STRN3: variants seen among roughly 807,000 people sequenced by gnomAD.
STRN3 encodes the protein striatin 3.
A neutral mutation model predicts 95.6 loss-of-function variants in STRN3; 29 were observed. The ratio of observed to expected loss-of-function variants is 0.30; its 90% CI spans 0.23 to 0.41. The LOEUF (loss-of-function observed/expected upper bound fraction) is 0.41, where lower values mean the gene tolerates loss of function less well. STRN3 is among the 10% of genes least tolerant of loss of function. STRN3 has a pLI of 1.00. For missense variants in STRN3, 890 were observed against 972.1 expected (o/e 0.92, Z 1.12); for synonymous variants, 331 against 357.6 (o/e 0.93, Z 0.84).
chr14:30,907,194 T>C, intron 13 of STRN3, 150 bp from the exon 14 acceptor site: 1 of 805,624 alleles, frequency 1.2e-6, no homozygotes, highest in Non-Finnish European at 1.8e-6. Flanking sequence ...TGGCTATATC[T>C]AAGAGTAGAG....
At chr14:30,903,230 C>T (rs140760189) in intron 15 of STRN3, among the ~76,000 whole-genome samples, 3 of 151,750 alleles carry the variant, frequency 2.0e-5, no homozygotes, top group East Asian at 1.9e-4. Flanking sequence ...GCTTATGTAT[C>T]GCAACTCATA....
At chr14:30,998,142 C>T (rs1347695281) in intron 1 of STRN3, among the ~76,000 whole-genome samples, 1 of 152,180 alleles carries the variant, frequency 6.6e-6, no homozygotes, top group African/African-American at 2.4e-5. Flanking sequence ...AAAGTCCCAT[C>T]CCTAAACAAC....
At chr14:31,006,333 CAGCTCTTGAGCCCAGGGT>C (rs1296612120) in intron 1 of STRN3, among the ~76,000 whole-genome samples, 1 of 151,848 alleles carries the variant, frequency 6.6e-6, no homozygotes, top group Non-Finnish European at 1.5e-5. Context: ...GGCAGGAGGG[CAGCTCTTGAGCCCAGGGT>C]AGCTCTTGAG....
chr14:31,024,537 C>CT (rs34681869), intron 1 of STRN3, among the ~76,000 whole-genome samples: 4 of 151,942 alleles, frequency 2.6e-5, no homozygotes, highest in Admixed American at 6.6e-5. Flanking sequence ...ACAAGTGTTA[C>CT]TTTTTTTTAA....
chr14:30,996,749 C>T (rs1284565442), intron 1 of STRN3, among the ~76,000 whole-genome samples: 1 of 151,996 alleles, frequency 6.6e-6, no homozygotes, highest in African/African-American at 2.4e-5. Context: ...ACCTGTAGTC[C>T]CAGCTACTTG....
At chr14:30,985,816 T>C (rs1435576911) in intron 1 of STRN3, among the ~76,000 whole-genome samples, 1 of 152,226 alleles carries the variant, frequency 6.6e-6, no homozygotes, top group Admixed American at 6.5e-5. Context: ...ACACGTATCT[T>C]TTGCTAATAT....
At chr14:30,979,773 T>C (rs1881296739) in intron 1 of STRN3, among the ~76,000 whole-genome samples, 1 of 151,942 alleles carries the variant, frequency 6.6e-6, no homozygotes, top group African/African-American at 2.4e-5. Flanking sequence ...CTAATTTTTG[T>C]ATTTTTAGTA....
intron 5 of STRN3, 82 bp from the exon 6 acceptor site, chr14:30,936,706 T>C: frequency 6.7e-7 from 1 of 1,495,226 alleles, no homozygotes; most frequent in Non-Finnish European, 8.9e-7. Context: ...TTTAAATCAA[T>C]TCTTAAAACT....
At chr14:31,023,092 C>CA (rs959949267) in intron 1 of STRN3, among the ~76,000 whole-genome samples, 1 of 151,940 alleles carries the variant, frequency 6.6e-6, no homozygotes, top group Non-Finnish European at 1.5e-5. Flanking sequence ...TATGAAATTA[C>CA]AAAAAAGAAA....
chr14:31,008,815 GA>G (rs1317520545), intron 1 of STRN3, among the ~76,000 whole-genome samples: 1 of 152,118 alleles, frequency 6.6e-6, no homozygotes, highest in Non-Finnish European at 1.5e-5. Context: ...AAGGCAAGTG[GA>G]TCACTCAAGG....
intron 3 of STRN3, among the ~76,000 whole-genome samples, chr14:30,952,302 G>C (rs1250861849): frequency 6.6e-6 from 1 of 152,098 alleles, no homozygotes; most frequent in African/African-American, 2.4e-5. Flanking sequence ...CCCTCATACT[G>C]AATGTTGAAG....
At position 30,933,618 on chromosome 14, in the gene STRN3, A is replaced by G. The variant is rs1031840607; in HGVS notation, c.988+1545T>C. 3.9e-5 allele frequency among the ~76,000 whole-genome samples: 6 copies of G among 152,312 alleles called. 1 individual carries two copies. Among genetic ancestry groups the G allele is most frequent in the South Asian group, 2.1e-4 (1 of 4,824 alleles). ...TTGCTGTTTCTCCTGAGCAATGCTG[A>G]TTTTGAAGAAAGGTACCCTTCTAAA... On this transcript the variant is annotated intron_variant, in intron 7 of 17. Transcript: ENST00000357479.
chr14:30,936,421 TTAAGA>T, intron 6 of STRN3, 69 bp downstream of exon 6: 5 of 1,501,624 alleles, frequency 3.3e-6, no homozygotes, highest in Non-Finnish European at 4.5e-6. Flanking sequence ...CCAATGTAAC[TTAAGA>T]TATCTTAAAA....
intron 1 of STRN3, among the ~76,000 whole-genome samples, chr14:31,000,703 A>ACTTTC (rs1257188571): frequency 6.6e-6 from 1 of 152,196 alleles, no homozygotes; most frequent in Non-Finnish European, 1.5e-5. Flanking sequence ...TCTCTGCTTT[A>ACTTTC]CTTTCCTCTA....
At chr14:30,950,739 A>C (rs1879596863) in intron 4 of STRN3, 124 bp downstream of exon 4, 2 of 876,228 alleles carry the variant, frequency 2.3e-6, no homozygotes, top group Admixed American at 5.3e-5. Context: ...TACACAGCAA[A>C]AAAAGCAGCA....
Position 30,905,456 on chromosome 14 carries a change from G to A in STRN3, c.1991C>T (p.Ser664Leu). 2 of 1,607,652 alleles carry A rather than the reference G, an allele frequency of 1.2e-6. No homozygotes were observed. The highest frequency in any genetic ancestry group is 2.2e-5 in the East Asian group (1 of 44,640). The part of the protein sequence containing the change: ...GSAVIYDLET[S>L]QSLVILSSQV... Reference sequence around the variant, plus strand: ...TGATGAAAGTATCACCAATGACTGTGATGTTTCTAAATCATAAATTACTGC... The same window carrying A: ...TGATGAAAGTATCACCAATGACTGTAATGTTTCTAAATCATAAATTACTGC... The change falls in exon 15 of 18, where the codon TCA (serine) becomes TTA (leucine). Residue 664 changes from serine (S) to leucine (L), a missense_variant. Physicochemically the swap from Ser to Leu is moderately radical, Grantham distance 145 (BLOSUM62 -2). Coordinates refer to ENST00000357479, the MANE Select transcript of STRN3 (RefSeq NM_001083893.2).
At chr14:30,998,126 C>T (rs947962196) in intron 1 of STRN3, among the ~76,000 whole-genome samples, 1 of 152,122 alleles carries the variant, frequency 6.6e-6, no homozygotes, top group Non-Finnish European at 1.5e-5. Context: ...GCGTTGGAGC[C>T]CCTTCAAAGT....
chr14:30,903,019 AG>A (rs1255063129), intron 15 of STRN3, among the ~76,000 whole-genome samples: 2 of 152,144 alleles, frequency 1.3e-5, no homozygotes, highest in African/African-American at 4.8e-5. Context: ...GATGTTTGTA[AG>A]GAACAACCCC....
chr14:31,020,102 T>A (rs1332237190), intron 1 of STRN3, among the ~76,000 whole-genome samples: 1 of 152,192 alleles, frequency 6.6e-6, no homozygotes. Flanking sequence ...ATGTTCTTTG[T>A]ACAATTAGGT....
Sources: gnomAD v4.1 joint callset for allele counts (sites outside exome capture counted in the v4.1 genomes callset) on GRCh38, gnomAD v4.1.1 for gene constraint, MANE v1.5 for transcripts, NCBI Gene and HGNC (gene_info 2026-07-23, HGNC 2026-07-21) for gene names.